Variants in MAPRE3 observed in about 807,000 individuals in gnomAD.
MAPRE3 encodes microtubule associated protein RP/EB family member 3, also known as microtubule-associated protein RP/EB family member 3.
In MAPRE3, 2 loss-of-function variants were observed where a neutral mutation model predicts 30.5. The observed-to-expected ratio is 0.07, with a 90% CI of 0.03 to 0.21. The LOEUF (loss-of-function observed/expected upper bound fraction) is 0.21, where lower values mean the gene tolerates loss of function less well. Among genes scored for constraint, MAPRE3 ranks in the 10% least tolerant of loss-of-function variants. MAPRE3 has a pLI of 1.00. For missense variants in MAPRE3, 204 were observed against 351.8 expected (o/e 0.58, Z 3.36); for synonymous variants, 110 against 127.7 (o/e 0.86, Z 0.93).
chr2:27,010,241 T>G (rs1666819101), intron 1 of MAPRE3, among the ~76,000 whole-genome samples: 1 of 152,190 alleles, frequency 6.6e-6, no homozygotes, highest in Non-Finnish European at 1.5e-5. Flanking sequence ...AGTTAAGACT[T>G]TATTATATAA....
intron 1 of MAPRE3, among the ~76,000 whole-genome samples, chr2:26,988,042 C>T (rs547652852): frequency 6.6e-6 from 1 of 152,316 alleles, no homozygotes; most frequent in African/African-American, 2.4e-5. Context: ...AAAAAGAACC[C>T]ATTCTCCTGG....
intron 4 of MAPRE3, 93 bp downstream of exon 4, chr2:27,024,390 C>T (rs920845063): frequency 1.1e-5 from 13 of 1,183,006 alleles, no homozygotes; most frequent in African/African-American, 3.1e-5. Flanking sequence ...CCCGGCCCTG[C>T]CAGCCTGGAG....
At chr2:26,992,551 T>A (rs1666369833) in intron 1 of MAPRE3, among the ~76,000 whole-genome samples, 1 of 135,502 alleles carries the variant, frequency 7.4e-6, no homozygotes, top group Non-Finnish European at 1.7e-5. Flanking sequence ...TTTTTTTTAA[T>A]CCTGACCTAT....
chr2:26,975,570 A>G (rs1665999084), intron 1 of MAPRE3, among the ~76,000 whole-genome samples: 1 of 151,246 alleles, frequency 6.6e-6, no homozygotes, highest in Admixed American at 6.6e-5. Flanking sequence ...ATTGAAAAGA[A>G]ACGCAATAAT....
At chr2:26,993,453 A>G (rs941692557) in intron 1 of MAPRE3, among the ~76,000 whole-genome samples, 16 of 152,200 alleles carry the variant, frequency 1.1e-4, no homozygotes, top group Non-Finnish European at 1.0e-4. Flanking sequence ...CATCTGTTCT[A>G]TCATCAGTCA....
intron 2 of MAPRE3, 73 bp from the exon 3 acceptor site, chr2:27,023,259 T>A (rs1667149602): frequency 6.6e-7 from 1 of 1,505,232 alleles, no homozygotes; most frequent in Non-Finnish European, 9.0e-7. Flanking sequence ...GAGACGGGGT[T>A]TGGGGAAGTG....
intron 1 of MAPRE3, among the ~76,000 whole-genome samples, chr2:27,003,814 G>A (rs1167077728): frequency 2.0e-5 from 3 of 151,874 alleles, no homozygotes; most frequent in Non-Finnish European, 4.4e-5. Context: ...CATTGTTACC[G>A]GCCCCATGTC....
At chr2:27,024,367 C>A in intron 4 of MAPRE3, 70 bp downstream of exon 4, 1 of 1,415,402 alleles carries the variant, frequency 7.1e-7, no homozygotes. Context: ...CAGGAGTGCC[C>A]CCTGGGCCAC....
chr2:27,004,728 T>C (rs1666683618), intron 1 of MAPRE3, among the ~76,000 whole-genome samples: 1 of 120,436 alleles, frequency 8.3e-6, no homozygotes, highest in Non-Finnish European at 1.8e-5. Context: ...AAGGATCTAG[T>C]AAAAAAAAAA....
intron 1 of MAPRE3, among the ~76,000 whole-genome samples, chr2:26,971,059 A>T (rs529840338): frequency 7.2e-6 from 1 of 139,816 alleles, no homozygotes; most frequent in East Asian, 2.2e-4. Flanking sequence ...CTCCGGGTCC[A>T]CCTTGAGGCT....
At chr2:27,023,269 G>A in intron 2 of MAPRE3, 63 bp from the exon 3 acceptor site, 1 of 1,536,022 alleles carries the variant, frequency 6.5e-7, no homozygotes, top group Non-Finnish European at 8.8e-7. Context: ...TTGGGGAAGT[G>A]AGAGAGAGCA....
chr2:26,988,666 G>A (rs955412596), intron 1 of MAPRE3, among the ~76,000 whole-genome samples: 8 of 152,270 alleles, frequency 5.3e-5, no homozygotes, highest in East Asian at 1.9e-4. Context: ...TCTCTAGAGC[G>A]GGGTTCTCAA....
chr2:27,026,220 C>T, intron 6 of MAPRE3, 60 bp from the exon 7 acceptor site: 1 of 1,512,672 alleles, frequency 6.6e-7, no homozygotes. Context: ...ACTTACAGAA[C>T]CTGAGAAGCC....
At chr2:27,022,772 T>A (rs1209059943) in intron 2 of MAPRE3, 2 of 174,348 alleles carry the variant, frequency 1.1e-5, no homozygotes, top group Admixed American at 1.1e-4. Flanking sequence ...ATGCAGCCCA[T>A]AGCTGTAGCT....
At chr2:27,020,873 GC>G (rs1203727263) in intron 1 of MAPRE3, among the ~76,000 whole-genome samples, 1 of 152,176 alleles carries the variant, frequency 6.6e-6, no homozygotes, top group Non-Finnish European at 1.5e-5. Flanking sequence ...AGGCTGGAAG[GC>G]CTTTTAGGAG....
At chr2:27,009,314 A>G (rs1171599914) in intron 1 of MAPRE3, among the ~76,000 whole-genome samples, 1 of 152,244 alleles carries the variant, frequency 6.6e-6, no homozygotes, top group Non-Finnish European at 1.5e-5. Flanking sequence ...ATGAGTAGAC[A>G]TGAAATACAT....
intron 1 of MAPRE3, among the ~76,000 whole-genome samples, chr2:27,001,388 C>T (rs1471986697): frequency 6.6e-6 from 1 of 152,094 alleles, no homozygotes; most frequent in Non-Finnish European, 1.5e-5. Context: ...TGCCTGTAAT[C>T]CCAGCACTTT....
At chr2:26,978,318 A>G (rs1666052414) in intron 1 of MAPRE3, among the ~76,000 whole-genome samples, 1 of 152,188 alleles carries the variant, frequency 6.6e-6, no homozygotes, top group African/African-American at 2.4e-5. Flanking sequence ...CACTAGATGA[A>G]ATTAGATACC....
At chr2:27,006,660 C>G (rs1178204374) in intron 1 of MAPRE3, among the ~76,000 whole-genome samples, 3 of 152,114 alleles carry the variant, frequency 2.0e-5, no homozygotes, top group Admixed American at 6.6e-5. Flanking sequence ...TCTTGAACTC[C>G]TGACCTCAAG....
Sources: gnomAD v4.1 joint callset for allele counts (sites outside exome capture counted in the v4.1 genomes callset) on GRCh38, gnomAD v4.1.1 for gene constraint, MANE v1.5 for transcripts, NCBI Gene and HGNC (gene_info 2026-07-23, HGNC 2026-07-21) for gene names.